DIP2C: variants seen among roughly 807,000 people sequenced by gnomAD.
DIP2C encodes the protein disco-interacting protein 2 homolog C.
In DIP2C, 33 loss-of-function variants were observed where a neutral mutation model predicts 192.4. That is an observed-to-expected ratio of 0.17 (90% confidence interval 0.13 to 0.23). The LOEUF (loss-of-function observed/expected upper bound fraction) is 0.23. Ranked by LOEUF, DIP2C falls within the 10% of genes least tolerant of loss-of-function variation. The probability of loss-of-function intolerance (pLI) is 1.00; values close to 1 mark genes in which losing one functional copy is unlikely to be tolerated. For synonymous variants in DIP2C, 979 were observed against 864.1 expected (o/e 1.13, Z -2.33); for missense variants, 1,537 against 2,110.1 (o/e 0.73, Z 5.32).
chr10:521,576 T>C (rs1429562691), intron 1 of DIP2C, among the ~76,000 whole-genome samples: 4 of 152,184 alleles, frequency 2.6e-5, no homozygotes, highest in African/African-American at 9.7e-5. Context: ...GGTCCAGATA[T>C]AGGATCCTGG....
chr10:535,635 G>C (rs1295602702), intron 1 of DIP2C, among the ~76,000 whole-genome samples: 3 of 152,030 alleles, frequency 2.0e-5, no homozygotes, highest in African/African-American at 7.2e-5. Flanking sequence ...CTGACCTCAA[G>C]TTCTTTATTT....
At chr10:340,322 T>C (rs536460045) in intron 29 of DIP2C, among the ~76,000 whole-genome samples, 9 of 152,248 alleles carry the variant, frequency 5.9e-5, no homozygotes, top group African/African-American at 2.2e-4. Flanking sequence ...GAAATTATTT[T>C]TATGTTTGTG....
At chr10:447,822 T>C (rs1419886140) in intron 3 of DIP2C, among the ~76,000 whole-genome samples, 1 of 113,420 alleles carries the variant, frequency 8.8e-6, no homozygotes, top group African/African-American at 5.4e-5. Context: ...CTCACTCCCG[T>C]CGATACTCAG....
intron 29 of DIP2C, among the ~76,000 whole-genome samples, chr10:339,790 T>C (rs1958054665): frequency 6.6e-6 from 1 of 152,242 alleles, no homozygotes; most frequent in South Asian, 2.1e-4. Flanking sequence ...AAAAGCTGAA[T>C]TGTCCTAATT....
At position 381,341 on chromosome 10, in the gene DIP2C, G is replaced by C. The variant is rs150031627; in HGVS notation, c.1991+1306C>G. Among the ~76,000 whole-genome samples the C allele has an allele frequency of 4.4e-3, 672 of 152,290 alleles. 7 individuals carry two copies. The highest frequency in any genetic ancestry group is 6.2e-3 in the Non-Finnish European group (425 of 68,018). Reference sequence around the variant, plus strand: ...GGGAGAACCGGCATGGGGACACTGCGGGCTGCTTCTAGTTTTCAGGACACT... The same window carrying C: ...GGGAGAACCGGCATGGGGACACTGCCGGCTGCTTCTAGTTTTCAGGACACT... On this transcript the variant is annotated intron_variant, in intron 17 of 36. Coordinates refer to ENST00000280886, the MANE Select transcript of DIP2C (RefSeq NM_014974.3).
At chr10:390,643 C>A in intron 11 of DIP2C, 97 bp downstream of exon 11, 1 of 1,532,604 alleles carries the variant, frequency 6.5e-7, no homozygotes, top group South Asian at 1.3e-5. Context: ...CGTTTCATTC[C>A]ACAGAGGATT....
chr10:318,891 C>A (rs1365951962), intron 31 of DIP2C, among the ~76,000 whole-genome samples: 2 of 144,150 alleles, frequency 1.4e-5, no homozygotes, highest in Non-Finnish European at 3.0e-5. Flanking sequence ...ACATCATCTC[C>A]TGAGCCTTCC....
At chr10:686,291 C>G (rs1831332167) in intron 1 of DIP2C, among the ~76,000 whole-genome samples, 1 of 152,106 alleles carries the variant, frequency 6.6e-6, no homozygotes, top group East Asian at 1.9e-4. Context: ...GCCACAGGGC[C>G]TCCGCACCCT....
chr10:635,364 C>T (rs1335205212), intron 1 of DIP2C, among the ~76,000 whole-genome samples: 1 of 152,238 alleles, frequency 6.6e-6, no homozygotes, highest in Non-Finnish European at 1.5e-5. Flanking sequence ...ACTGGGATAA[C>T]AGTGGCCTCA....
chr10:561,130 G>T (rs1335997303), intron 1 of DIP2C, among the ~76,000 whole-genome samples: 2 of 152,092 alleles, frequency 1.3e-5, no homozygotes, highest in Non-Finnish European at 2.9e-5. Flanking sequence ...ACAAAACCAG[G>T]CTGTGCTCTG....
intron 1 of DIP2C, among the ~76,000 whole-genome samples, chr10:531,047 G>GAGCC (rs145591116): frequency 1.6e-4 from 24 of 152,090 alleles, no homozygotes; most frequent in African/African-American, 5.5e-4. Flanking sequence ...TGCAGACCCT[G>GAGCC]AGCCAGTCTC....
intron 2 of DIP2C, among the ~76,000 whole-genome samples, chr10:485,731 C>T (rs1265269960): frequency 2.0e-5 from 3 of 152,180 alleles, no homozygotes; most frequent in African/African-American, 4.8e-5. Context: ...TCAATTTCCA[C>T]CTTTAAAATT....
At chr10:384,786 G>A in intron 14 of DIP2C, 147 bp from the exon 15 acceptor site, 2 of 732,888 alleles carry the variant, frequency 2.7e-6, no homozygotes, top group Non-Finnish European at 4.5e-6. Flanking sequence ...GCCCCTGGAG[G>A]CTCCTCAGGG....
chr10:533,507 T>G (rs1310545556), intron 1 of DIP2C, among the ~76,000 whole-genome samples: 2 of 152,070 alleles, frequency 1.3e-5, no homozygotes, highest in Non-Finnish European at 2.9e-5. Flanking sequence ...GATGGCCTCC[T>G]ACAACAGTTT....
chr10:593,664 G>A (rs1197169782), intron 1 of DIP2C, among the ~76,000 whole-genome samples: 3 of 152,100 alleles, frequency 2.0e-5, no homozygotes, highest in African/African-American at 7.2e-5. Flanking sequence ...GTCACGGGCG[G>A]GGTCCCCAGA....
At chr10:580,097 T>G (rs1850510901) in intron 1 of DIP2C, among the ~76,000 whole-genome samples, 2 of 152,130 alleles carry the variant, frequency 1.3e-5, no homozygotes, top group Non-Finnish European at 2.9e-5. Flanking sequence ...ACATGCACAT[T>G]TGTATGTACA....
At chr10:301,796 C>G (rs1422365019) in intron 32 of DIP2C, among the ~76,000 whole-genome samples, 1 of 152,216 alleles carries the variant, frequency 6.6e-6, no homozygotes, top group African/African-American at 2.4e-5. Flanking sequence ...CACACACACA[C>G]CTGGCCAGGG....
At chr10:611,747 A>G (rs1320237472) in intron 1 of DIP2C, among the ~76,000 whole-genome samples, 1 of 152,342 alleles carries the variant, frequency 6.6e-6, no homozygotes, top group African/African-American at 2.4e-5. Flanking sequence ...CCATGAGAGC[A>G]GGGGCTCTTG....
intron 1 of DIP2C, among the ~76,000 whole-genome samples, chr10:601,201 A>G (rs1429330445): frequency 6.6e-6 from 1 of 152,236 alleles, no homozygotes; most frequent in Non-Finnish European, 1.5e-5. Context: ...TCATTGCATC[A>G]TAGAAAGCAA....
Sources: gnomAD v4.1 joint callset for allele counts (sites outside exome capture counted in the v4.1 genomes callset) on GRCh38, gnomAD v4.1.1 for gene constraint, MANE v1.5 for transcripts, NCBI Gene and HGNC (gene_info 2026-07-23, HGNC 2026-07-21) for gene names.